CHL1: variants seen among roughly 807,000 people sequenced by gnomAD.
CHL1 encodes cell adhesion molecule L1 like.
CHL1 carries 96 observed loss-of-function variants against 141.9 expected under a neutral mutation model. That is an observed-to-expected ratio of 0.68 (90% CI 0.57 to 0.80). CHL1 has a LOEUF of 0.80. Ranked by LOEUF, CHL1 falls within the 30% of genes least tolerant of loss-of-function variation. CHL1 has a pLI of 0.00. For missense variants in CHL1, 1,820 were observed against 1,457.2 expected (o/e 1.25, Z -4.05); for synonymous variants, 613 against 502.2 (o/e 1.22, Z -2.95).
chr3:233,353 TTTCTATACCAGCCC>T (rs1702027208), intron 1 of CHL1, among the ~76,000 whole-genome samples: 1 of 152,158 alleles, frequency 6.6e-6, no homozygotes, highest in Admixed American at 6.6e-5. Context: ...CTCTCTTGCT[TTTCTATACCAGCCC>T]CCAACCCCAA....
In CHL1 at chr3:344,582, T is replaced by C; in HGVS notation, c.728-7T>C. 6.2e-7 allele frequency: 1 copy of C among 1,604,600 alleles called. No individual in the cohort carries two copies. The highest frequency in any genetic ancestry group is 8.5e-7 in the Non-Finnish European group (1 of 1,176,292). ...AAAAATTCTGACTTTTCTTTTCTAT[T>C]TTGTAGCAAATTCCATCAAGCAAAG... On this transcript the variant is annotated splice_polypyrimidine_tract_variant and splice_region_variant and intron_variant, in intron 8 of 27. Transcript: ENST00000256509.
chr3:404,120 G>A (rs1382116677), intron 27 of CHL1, among the ~76,000 whole-genome samples: 2 of 152,178 alleles, frequency 1.3e-5, no homozygotes, highest in African/African-American at 2.4e-5. Context: ...CTGGCTGGTG[G>A]ACGAGCATCC....
chr3:240,450 G>GT (rs1203761979), intron 1 of CHL1, among the ~76,000 whole-genome samples: 1 of 151,810 alleles, frequency 6.6e-6, no homozygotes. Context: ...GGGATTTTTT[G>GT]TTTTTTTCTT....
chr3:386,823 T>C (rs1193973315), intron 19 of CHL1, among the ~76,000 whole-genome samples: 11 of 152,182 alleles, frequency 7.2e-5, no homozygotes, highest in Admixed American at 7.2e-4. Context: ...AAATGAAATA[T>C]TGTATAACAT....
At chr3:383,686 A>G in intron 18 of CHL1, 130 bp from the exon 19 acceptor site, 1 of 555,726 alleles carries the variant, frequency 1.8e-6, no homozygotes, top group Admixed American at 2.9e-5. Context: ...TAGGAACTGG[A>G]CCAGATATAA....
intron 22 of CHL1, 124 bp from the exon 23 acceptor site, chr3:391,551 G>A (rs1708228005): frequency 1.5e-6 from 1 of 663,440 alleles, no homozygotes; most frequent in South Asian, 1.9e-5. Context: ...TTCCTTATTA[G>A]TAGTTAATTA....
At chr3:366,695 A>C (rs945570212) in intron 15 of CHL1, among the ~76,000 whole-genome samples, 1 of 151,996 alleles carries the variant, frequency 6.6e-6, no homozygotes, top group African/African-American at 2.4e-5. Flanking sequence ...AAAAAAAAAA[A>C]AAAAAAACTG....
intron 19 of CHL1, among the ~76,000 whole-genome samples, chr3:386,478 A>G (rs1339248249): frequency 1.3e-5 from 2 of 152,200 alleles, no homozygotes; most frequent in African/African-American, 4.8e-5. Flanking sequence ...ATAATGTTCT[A>G]CTTGCAAAAC....
At chr3:299,530 TTAC>T (rs1698522316) in intron 2 of CHL1, among the ~76,000 whole-genome samples, 1 of 152,154 alleles carries the variant, frequency 6.6e-6, no homozygotes, top group East Asian at 1.9e-4. Flanking sequence ...TTTTGAGAAA[TTAC>T]TATGTTCCAG....
rs755718687 is a variant in CHL1, at chr3:349,360, C to T, written c.850C>T (p.Pro284Ser). The part of the protein sequence containing the change: ...LLLECFAEGL[P>S]TPQVDWNKIG... ...TATTTATTTAACTATTTTTTGCAGG[C>T]CAACTCCACAGGTTGATTGGAACAA... The change falls in exon 10 of 28, where the codon CCA (proline) becomes TCA (serine). Residue 284 changes from proline to serine, a missense_variant and splice_region_variant. By Grantham distance (74) the Pro-to-Ser change is moderately conservative (BLOSUM62 -1). Transcript: ENST00000256509. 1.2e-6 allele frequency: 2 copies of T among 1,609,502 alleles called. No homozygotes were observed. Among genetic ancestry groups the T allele is most frequent in the Non-Finnish European group, 1.7e-6 (2 of 1,178,494 alleles).
chr3:317,227 G>T (rs182273362), intron 2 of CHL1, among the ~76,000 whole-genome samples: 121 of 151,978 alleles, frequency 8.0e-4, no homozygotes, highest in African/African-American at 2.5e-3. Flanking sequence ...AGAATTTCTT[G>T]GGTCAAGACC....
intron 26 of CHL1, among the ~76,000 whole-genome samples, chr3:399,466 C>T (rs1708945333): frequency 6.6e-6 from 1 of 151,958 alleles, no homozygotes; most frequent in Admixed American, 6.6e-5. Flanking sequence ...ATGATGAAAC[C>T]CCGTCTCTAC....
At position 379,560 on chromosome 3, in the gene CHL1, G is replaced by A. The variant is rs548465556; in HGVS notation, c.1876+1618G>A. On this transcript the variant is annotated intron_variant, in intron 16 of 27. Coordinates refer to ENST00000256509, the MANE Select transcript of CHL1 (RefSeq NM_006614.4). ...CGTGCGCTTTGTCCCTAAGTATTTT[G>A]AGCAGTCTCAGCCACCAAAAGGACC... is the stretch of plus-strand genomic sequence containing the variant. 2.6e-5 allele frequency among the ~76,000 whole-genome samples: 4 copies of A among 152,232 alleles called. No individual in the cohort carries two copies. The South Asian group carries it at 8.3e-4, about 32-fold the overall frequency.
rs758393057 is a variant in CHL1 at position 365,944 on chromosome 3, A to C, written c.1586-6A>C. 3 of 1,610,564 alleles carry C rather than the reference A, an allele frequency of 1.9e-6. No homozygotes were observed. The highest frequency in any genetic ancestry group is 3.3e-4 in the Middle Eastern group (2 of 6,042). ...TCTAACTAATATCTTTGTTTGGTAAAAACAGATGCTACAAAACTTAGAGTT... is the reference window on the plus strand; with the variant it reads ...TCTAACTAATATCTTTGTTTGGTAACAACAGATGCTACAAAACTTAGAGTT... On this transcript the variant is annotated splice_region_variant and splice_polypyrimidine_tract_variant and intron_variant, in intron 14 of 27. Coordinates refer to ENST00000256509, the MANE Select transcript of CHL1 (RefSeq NM_006614.4).
chr3:221,268 G>A (rs1700816752), intron 1 of CHL1, among the ~76,000 whole-genome samples: 1 of 152,198 alleles, frequency 6.6e-6, no homozygotes, highest in African/African-American at 2.4e-5. Context: ...TCACTCGTGT[G>A]GCTCGGAATA....
chr3:240,042 C>T (rs1692402681), intron 1 of CHL1, among the ~76,000 whole-genome samples: 2 of 152,148 alleles, frequency 1.3e-5, no homozygotes, highest in Admixed American at 1.3e-4. Context: ...GCGAATTGTG[C>T]TGCTATAAAC....
chr3:211,923 A>G (rs1699935558), intron 1 of CHL1, among the ~76,000 whole-genome samples: 1 of 152,208 alleles, frequency 6.6e-6, no homozygotes, highest in Non-Finnish European at 1.5e-5. Flanking sequence ...AGTGGAACCA[A>G]TGGAACAAAC....
At chr3:320,473 T>A (rs542781031) in intron 3 of CHL1, among the ~76,000 whole-genome samples, 68 of 152,028 alleles carry the variant, frequency 4.5e-4, no homozygotes, top group African/African-American at 1.6e-3. Flanking sequence ...GGATGCAGAT[T>A]TTTAGCCATT....
intron 1 of CHL1, among the ~76,000 whole-genome samples, chr3:243,225 C>T (rs1158882443): frequency 6.6e-6 from 1 of 152,142 alleles, no homozygotes; most frequent in African/African-American, 2.4e-5. Context: ...TTTCTTTTCC[C>T]CACTGAGAGA....
Sources: gnomAD v4.1 joint callset for allele counts (sites outside exome capture counted in the v4.1 genomes callset) on GRCh38, gnomAD v4.1.1 for gene constraint, MANE v1.5 for transcripts, NCBI Gene and HGNC (gene_info 2026-07-23, HGNC 2026-07-21) for gene names.